TSHZ2: variants seen among roughly 807,000 people sequenced by gnomAD.
TSHZ2 encodes the protein teashirt homolog 2.
In TSHZ2, 21 loss-of-function variants were observed where a neutral mutation model predicts 74.4. That is an observed-to-expected ratio of 0.28 (90% CI 0.20 to 0.41). The LOEUF (loss-of-function observed/expected upper bound fraction) is 0.41. Among genes scored for constraint, TSHZ2 ranks in the 10% least tolerant of loss-of-function variants. The pLI is 1.00. For synonymous variants in TSHZ2, 540 were observed against 515.3 expected (o/e 1.05, Z -0.65); for missense variants, 1,244 against 1,293.5 (o/e 0.96, Z 0.59).
intron 1 of TSHZ2, among the ~76,000 whole-genome samples, chr20:53,141,802 T>A (rs1435666323): frequency 1.3e-5 from 2 of 152,232 alleles, no homozygotes; most frequent in Non-Finnish European, 2.9e-5. Flanking sequence ...GTCAGTGTGA[T>A]GAAGTGTTCC....
rs150328225 is a variant in TSHZ2 at position 53,033,036 on chromosome 20, C to T, written c.40+59703C>T. 2.4e-4 allele frequency among the ~76,000 whole-genome samples: 36 copies of T among 152,264 alleles called. No homozygotes were observed. In the East Asian group the frequency reaches 3.3e-3, roughly 14 times the overall value. ...GCTTTCAGATACTAGAAGCTATTGG[C>T]TATAGACTAGTGAATTTTGGTGACT... On this transcript the variant is annotated intron_variant, in intron 1 of 2. Coordinates refer to ENST00000371497, the MANE Select transcript of TSHZ2 (RefSeq NM_173485.6).
At chr20:53,335,070 C>A (rs1009978989) in intron 2 of TSHZ2, among the ~76,000 whole-genome samples, 1 of 152,212 alleles carries the variant, frequency 6.6e-6, no homozygotes, top group Admixed American at 6.5e-5. Context: ...GAGGCTGTTG[C>A]AATAACCCAG....
intron 1 of TSHZ2, among the ~76,000 whole-genome samples, chr20:53,032,307 T>C (rs1983669616): frequency 6.6e-6 from 1 of 152,270 alleles, no homozygotes. Context: ...TTTGAACTAA[T>C]TTGATGAATC....
At chr20:53,303,222 C>T (rs58330620) in intron 2 of TSHZ2, among the ~76,000 whole-genome samples, 21,406 of 152,136 alleles carry the variant, frequency 0.14, 2,217 homozygotes, top group African/African-American at 0.29. Flanking sequence ...AGACAGGGAC[C>T]GATTTACTGC....
chr20:53,343,977 G>C (rs538214096), intron 2 of TSHZ2, among the ~76,000 whole-genome samples: 2 of 152,310 alleles, frequency 1.3e-5, no homozygotes, highest in East Asian at 3.9e-4. Flanking sequence ...TTTCACTCCA[G>C]AATCTCACAG....
In TSHZ2 at chr20:53,256,530, T is replaced by G; in HGVS notation, c.3072T>G (p.His1024Gln). 6.2e-7 allele frequency: 1 copy of G among 1,604,446 alleles called. No individual in the cohort carries two copies. The highest frequency in any genetic ancestry group is 1.7e-5 in the Admixed American group (1 of 59,684). The stretch of plus-strand genomic sequence containing the variant: ...CGCACAGCAAGTCACCCGAACACCA[T>G]TCACAGTTTGTAACAGACGTGGATG... ...SKTHSKSPEH[H>Q]SQFVTDVDEE Residue 1024 changes from histidine (H) to glutamine (Q), a missense_variant, in exon 2 of 3, where the codon CAT becomes CAG. Transcript: ENST00000371497. The surrounding 1 kb of genome is among the most constrained non-coding windows in gnomAD (Gnocchi z 4.3).
intron 1 of TSHZ2, among the ~76,000 whole-genome samples, chr20:53,208,318 C>T (rs767894460): frequency 2.0e-5 from 3 of 152,206 alleles, no homozygotes; most frequent in Non-Finnish European, 4.4e-5. Context: ...TCACCCTGGA[C>T]TGTTCCTCCC....
chr20:53,087,035 A>G (rs892664202), intron 1 of TSHZ2, among the ~76,000 whole-genome samples: 1 of 152,186 alleles, frequency 6.6e-6, no homozygotes, highest in Non-Finnish European at 1.5e-5. Context: ...CTGCGGAGAA[A>G]GGAACCTATG....
intron 2 of TSHZ2, among the ~76,000 whole-genome samples, chr20:53,344,776 TTAGAGA>T (rs535386950): frequency 3.0e-3 from 456 of 152,266 alleles, no homozygotes; most frequent in Non-Finnish European, 5.8e-3. Context: ...TTGAGAAAAG[TTAGAGA>T]TAAAGTTTAC....
At position 53,494,539 on chromosome 20, in the gene TSHZ2, A is replaced by G. The variant is rs552288224; in HGVS notation, c.*7404A>G. On this transcript the variant is annotated 3_prime_UTR_variant, in exon 3 of 3. Coordinates refer to ENST00000371497, the MANE Select transcript of TSHZ2 (RefSeq NM_173485.6). ...ATCTGTAGAAGGGGAATTTTTTTTA[A>G]AAATACAATTTTATCACTAGAAATA... 6.6e-6 allele frequency: 1 copy of G among 152,292 alleles called. No homozygotes were observed. The highest frequency in any genetic ancestry group is 1.5e-5 in the Non-Finnish European group (1 of 68,036). The allele number at this position is 152,292 out of a possible 1,614,324, so 9.4% of individuals were successfully genotyped here.
At chr20:52,987,459 T>A (rs1981813858) in intron 1 of TSHZ2, among the ~76,000 whole-genome samples, 1 of 149,462 alleles carries the variant, frequency 6.7e-6, no homozygotes, top group Non-Finnish European at 1.5e-5. Flanking sequence ...TTCTCTCTCC[T>A]CTCTCTCTCT....
At chr20:53,355,352 C>T (rs959306729) in intron 2 of TSHZ2, among the ~76,000 whole-genome samples, 1 of 152,092 alleles carries the variant, frequency 6.6e-6, no homozygotes, top group African/African-American at 2.4e-5. Flanking sequence ...AAAGAGGAAA[C>T]ATCCAAATAT....
At chr20:53,275,075 G>A (rs1028357944) in intron 2 of TSHZ2, among the ~76,000 whole-genome samples, 1 of 152,134 alleles carries the variant, frequency 6.6e-6, no homozygotes, top group Non-Finnish European at 1.5e-5. Flanking sequence ...AGGAATTAGA[G>A]AACATTCCTA....
At chr20:53,327,558 A>T (rs1370308750) in intron 2 of TSHZ2, among the ~76,000 whole-genome samples, 1 of 152,226 alleles carries the variant, frequency 6.6e-6, no homozygotes, top group Non-Finnish European at 1.5e-5. Context: ...CTTCCAAGTG[A>T]TGTAACAAGG....
At chr20:53,319,400 T>C (rs1004759775) in intron 2 of TSHZ2, among the ~76,000 whole-genome samples, 15 of 152,226 alleles carry the variant, frequency 9.9e-5, no homozygotes, top group African/African-American at 3.4e-4. Flanking sequence ...ATTTTACAGA[T>C]GAGGAAACTG....
chr20:53,128,806 G>T (rs1158272034), intron 1 of TSHZ2, among the ~76,000 whole-genome samples: 1 of 152,092 alleles, frequency 6.6e-6, no homozygotes, highest in African/African-American at 2.4e-5. Flanking sequence ...ATTTTTAGTA[G>T]AGATTGGGTT....
At chr20:53,410,832 C>T (rs1003201324) in intron 2 of TSHZ2, among the ~76,000 whole-genome samples, 6 of 151,878 alleles carry the variant, frequency 4.0e-5, no homozygotes, top group Middle Eastern at 3.4e-3. Context: ...TGCACCAGGA[C>T]GCCTGGGTAA....
At chr20:53,003,122 C>T (rs6097185) in intron 1 of TSHZ2, among the ~76,000 whole-genome samples, 1 of 152,152 alleles carries the variant, frequency 6.6e-6, no homozygotes, top group Non-Finnish European at 1.5e-5. Context: ...AAACTAAATT[C>T]TTTTTCTAAG....
chr20:53,119,177 G>A (rs1008293607), intron 1 of TSHZ2, among the ~76,000 whole-genome samples: 15 of 152,060 alleles, frequency 9.9e-5, no homozygotes, highest in African/African-American at 3.6e-4. Context: ...TTTCAGTGAG[G>A]TATTCATCGA....
Sources: gnomAD v4.1 joint callset for allele counts (sites outside exome capture counted in the v4.1 genomes callset) on GRCh38, gnomAD v4.1.1 for gene constraint, Gnocchi (gnomAD v3.1) non-coding constraint, MANE v1.5 for transcripts, NCBI Gene and HGNC (gene_info 2026-07-23, HGNC 2026-07-21) for gene names.